ALDH3A2: variants seen among roughly 807,000 people sequenced by gnomAD.
ALDH3A2 encodes the protein aldehyde dehydrogenase 3 family member A2, also known as aldehyde dehydrogenase family 3 member A2.
In ALDH3A2, 36 loss-of-function variants were observed where a neutral mutation model predicts 51.3. The ratio of observed to expected loss-of-function variants is 0.70; its 90% confidence interval spans 0.54 to 0.93. ALDH3A2 has a LOEUF of 0.93. Ranked by LOEUF, ALDH3A2 falls within the 40% of genes least tolerant of loss-of-function variation. The pLI, the probability that ALDH3A2 is intolerant of heterozygous loss-of-function variation, is 0.00. For missense variants in ALDH3A2, 552 were observed against 603.1 expected (o/e 0.92, Z 0.89); for synonymous variants, 199 against 219.8 (o/e 0.91, Z 0.84).
At position 19,662,690 on chromosome 17, in the gene ALDH3A2, G is replaced by A. The variant is rs527245313; in HGVS notation, c.941-643G>A. Among the ~76,000 whole-genome samples the A allele has an allele frequency of 5.3e-5, 8 of 152,284 alleles. No homozygotes were observed. In the South Asian group the frequency reaches 8.3e-4, roughly 16 times the overall value. On this transcript the variant is annotated intron_variant, in intron 6 of 9. Transcript: ENST00000176643. ...CTGTTTTCTTAATCTGTCTAACAGA[G>A]TTATAATAAAGGTTAATGAGATCAT...
chr17:19,663,304 C>T (rs1158325481), intron 6 of ALDH3A2, 29 bp from the exon 7 acceptor site: 2 of 1,611,002 alleles, frequency 1.2e-6, no homozygotes, highest in Admixed American at 1.7e-5. Context: ...GTCTAATAAG[C>T]ATTTTCATTT....
At chr17:19,670,711 C>T (rs139990759) in intron 8 of ALDH3A2, among the ~76,000 whole-genome samples, 1,691 of 152,242 alleles carry the variant, frequency 0.011, 32 homozygotes, top group African/African-American at 0.039. Flanking sequence ...TACAGGCGTG[C>T]GCCACCACGT....
At chr17:19,661,081 A>G in intron 5 of ALDH3A2, 46 bp from the exon 6 acceptor site, 1 of 1,585,554 alleles carries the variant, frequency 6.3e-7, no homozygotes, top group South Asian at 1.1e-5. Flanking sequence ...CTGAAATTGA[A>G]TTGTGGGTCT....
Position 19,676,623 on chromosome 17 carries a change from A to C in ALDH3A2, c.*1051A>C, listed in dbSNP as rs1415000458. ...GGCTGTGATTGCACCACTGCACTTCAGCTTGGGCAACAGAGCAAGACCCTG... is the reference window on the plus strand; with the variant it reads ...GGCTGTGATTGCACCACTGCACTTCCGCTTGGGCAACAGAGCAAGACCCTG... On this transcript the variant is annotated 3_prime_UTR_variant, in exon 10 of 10. Coordinates refer to ENST00000176643, the MANE Select transcript of ALDH3A2 (RefSeq NM_000382.3). The C allele has an allele frequency of 6.6e-6, 1 of 152,262 alleles. No homozygotes were observed. The highest frequency in any genetic ancestry group is 1.5e-5 in the Non-Finnish European group (1 of 68,058). 9.4% of individuals were successfully genotyped at this position (152,262 alleles called of 1,614,324 possible).
intron 4 of ALDH3A2, 68 bp downstream of exon 4, chr17:19,656,642 T>C (rs577452549): frequency 5.9e-5 from 83 of 1,418,666 alleles, no homozygotes; most frequent in Non-Finnish European, 8.0e-5. Flanking sequence ...ACAATGTTAC[T>C]CTTTGTACTT....
In ALDH3A2 at chr17:19,671,810, G is replaced by A. The variant is rs1300154495; in HGVS notation, c.1297G>A (p.Glu433Lys). 2 of 1,614,184 alleles carry A rather than the reference G, an allele frequency of 1.2e-6. No individual in the cohort carries two copies. Among genetic ancestry groups the A allele is most frequent in the Admixed American group, 1.7e-5 (1 of 60,020 alleles). The change falls in exon 9 of 10, where the codon GAA becomes AAA. Residue 433 changes from glutamate (E) to lysine (K), a missense_variant. Coordinates refer to ENST00000176643, the MANE Select transcript of ALDH3A2 (RefSeq NM_000382.3). The part of the protein sequence containing the change: ...RPCLLKSLKR[E>K]GANKLRYPPN... ...CTGTTTATTAAAAAGTTTAAAGAGA[G>A]AAGGTGCTAACAAACTCAGATATCC... is the stretch of plus-strand genomic sequence containing the variant.
intron 3 of ALDH3A2, among the ~76,000 whole-genome samples, chr17:19,653,757 T>C (rs544652826): frequency 3.9e-5 from 6 of 152,312 alleles, no homozygotes; most frequent in East Asian, 1.9e-4. Context: ...GCTTCCACAG[T>C]GTCAAAGGGG....
rs761806378 is a variant in ALDH3A2, at chr17:19,648,966, C to T, written c.-6C>T. The T allele has an allele frequency of 6.3e-7, 1 of 1,583,560 alleles. No homozygotes were observed. Among genetic ancestry groups the T allele is most frequent in the African/African-American group, 1.3e-5 (1 of 74,654 alleles). On this transcript the variant is annotated 5_prime_UTR_variant, in exon 1 of 10. Transcript: ENST00000176643. ...CGGACCGTGCAGTTCTCTGCAGGAC[C>T]AGGCCATGGAGCTCGAAGTCCGGCG...
intron 9 of ALDH3A2, chr17:19,673,005 C>T: frequency 1.9e-6 from 2 of 1,053,424 alleles, no homozygotes; most frequent in African/African-American, 1.6e-5. Context: ...CATGCCACTG[C>T]ACTCCAGCCT....
In ALDH3A2 at chr17:19,654,365, C is replaced by T. The variant is rs373457503; in HGVS notation, c.471+1733C>T. 9.8e-5 allele frequency among the ~76,000 whole-genome samples: 15 copies of T among 152,344 alleles called. No individual in the cohort carries two copies. In the South Asian group the frequency reaches 1.0e-3, roughly 11 times the overall value. ...GGACTGGGCGCTGTGGAGCAGGGGGCGGCGCCCATCAGGGAGGCTCGGGCA... is the reference window on the plus strand; with the variant it reads ...GGACTGGGCGCTGTGGAGCAGGGGGTGGCGCCCATCAGGGAGGCTCGGGCA... On this transcript the variant is annotated intron_variant, in intron 3 of 9. Coordinates refer to ENST00000176643, the MANE Select transcript of ALDH3A2 (RefSeq NM_000382.3). This position sits in a 1 kb window ranked among gnomAD's most constrained non-coding sequence, Gnocchi z 4.5.
chr17:19,654,193 G>A lies in ALDH3A2; in HGVS notation c.471+1561G>A, dbSNP rs867077585. On this transcript the variant is annotated intron_variant, in intron 3 of 9. Transcript: ENST00000176643. The surrounding 1 kb of genome is among the most constrained non-coding windows in gnomAD (Gnocchi z 4.5). Reference sequence around the variant, plus strand: ...CTGATTGGTGCATATACAATCCTCCGGCTAGACATAAAAGTTCTCTAAGTC... The same window carrying A: ...CTGATTGGTGCATATACAATCCTCCAGCTAGACATAAAAGTTCTCTAAGTC... 1.3e-5 allele frequency among the ~76,000 whole-genome samples: 2 copies of A among 152,178 alleles called. No homozygotes were observed. The highest frequency in any genetic ancestry group is 2.9e-5 in the Non-Finnish European group (2 of 68,026).
intron 3 of ALDH3A2, 193 bp from the exon 4 acceptor site, chr17:19,656,173 G>T: frequency 1.6e-6 from 1 of 633,452 alleles, no homozygotes; most frequent in South Asian, 1.8e-5. Flanking sequence ...GTGGGTTCAT[G>T]CTTCCCAGAT....
rs1200271994 is a variant in ALDH3A2, at chr17:19,657,856, A to G, written c.792A>G (p.Thr264=). Residue 264 remains threonine, a synonymous_variant, in exon 5 of 10, where the codon ACA becomes ACG. Transcript: ENST00000176643. ...AAATTGTATGGAAGATTAAGGAAAC[A>G]GTGAAGGTTTGTATTAAAAACATCT... ...QNQIVWKIKE[T]VKEFYGENIK... is the part of the protein sequence containing the mutation. 43 of 1,600,046 alleles carry G rather than the reference A, an allele frequency of 2.7e-5. No individual in the cohort carries two copies. The highest frequency in any genetic ancestry group is 3.4e-5 in the Non-Finnish European group (40 of 1,167,358).
chr17:19,673,358 T>G (rs2085145572), intron 9 of ALDH3A2: 4 of 1,430,688 alleles, frequency 2.8e-6, no homozygotes, highest in Non-Finnish European at 3.7e-6. Flanking sequence ...TTGTTTTTGT[T>G]TTTGTTTTTG....
chr17:19,656,128 G>GT (rs1379696724), intron 3 of ALDH3A2: 3 of 534,880 alleles, frequency 5.6e-6, no homozygotes, highest in East Asian at 6.7e-5. Context: ...CTGAGCTCAT[G>GT]TAAAAAAACA....
intron 2 of ALDH3A2, among the ~76,000 whole-genome samples, chr17:19,652,185 A>T (rs949948697): frequency 6.6e-6 from 1 of 152,218 alleles, no homozygotes; most frequent in East Asian, 1.9e-4. Flanking sequence ...ATGCCAGGAG[A>T]TTAATTTCTC....
At chr17:19,652,092 G>A (rs1211388457) in intron 2 of ALDH3A2, among the ~76,000 whole-genome samples, 3 of 152,148 alleles carry the variant, frequency 2.0e-5, no homozygotes, top group African/African-American at 4.8e-5. Flanking sequence ...CTCTGGCTTC[G>A]GATGAACCAT....
Position 19,671,941 on chromosome 17 carries a change from C to A in ALDH3A2, c.1428C>A (p.Ala476=). ...LLLLTFLGIV[A]AVLVKAEYY ...TGCTCACTTTCCTGGGTATTGTAGCCGCTGTGCTTGTCAAGGTGAGTCCCT... is the reference window on the plus strand; with the variant it reads ...TGCTCACTTTCCTGGGTATTGTAGCAGCTGTGCTTGTCAAGGTGAGTCCCT... Residue 476 remains alanine, a synonymous_variant, in exon 9 of 10, where the codon GCC becomes GCA. Transcript: ENST00000176643. 6.2e-7 allele frequency: 1 copy of A among 1,614,014 alleles called. No individual in the cohort carries two copies. The highest frequency in any genetic ancestry group is 8.5e-7 in the Non-Finnish European group (1 of 1,179,974).
intron 5 of ALDH3A2, among the ~76,000 whole-genome samples, chr17:19,659,405 G>T (rs1379203443): frequency 6.6e-6 from 1 of 152,050 alleles, no homozygotes; most frequent in East Asian, 1.9e-4. Context: ...GGGTATGGTG[G>T]CACATGCCTG....
Sources: allele counts gnomAD v4.1 joint callset (sites outside exome capture counted in the v4.1 genomes callset), GRCh38; gene constraint gnomAD v4.1.1; non-coding constraint Gnocchi (gnomAD v3.1); transcripts MANE v1.5; gene names NCBI Gene and HGNC (gene_info 2026-07-23, HGNC 2026-07-21).